CDH18: variants seen among roughly 807,000 people sequenced by gnomAD.
The protein encoded by CDH18 is cadherin 18, also known as cadherin-18.
A neutral mutation model predicts 67.9 loss-of-function variants in CDH18; 31 were observed. The observed-to-expected ratio is 0.46, with a 90% CI of 0.34 to 0.62. CDH18 has a LOEUF of 0.62. Ranked by LOEUF, CDH18 falls within the 20% of genes least tolerant of loss-of-function variation. The pLI, the probability that CDH18 is intolerant of heterozygous loss-of-function variation, is 0.01. For missense variants in CDH18, 890 were observed against 975.5 expected (o/e 0.91, Z 1.17); for synonymous variants, 362 against 347.2 (o/e 1.04, Z -0.48).
Position 19,766,571 on chromosome 5 carries a change from G to A in CDH18, c.229-19335C>T, listed in dbSNP as rs556368833. Among the ~76,000 whole-genome samples, 6 of 152,240 alleles carry A rather than the reference G, an allele frequency of 3.9e-5. No individual in the cohort carries two copies. The South Asian group carries it at 1.0e-3, about 26-fold the overall frequency. On this transcript the variant is annotated intron_variant, in intron 3 of 12. Coordinates refer to ENST00000382275, the MANE Select transcript of CDH18 (RefSeq NM_004934.5). ...TCAATGTGTTATTTCTGAAATTGGA[G>A]TTTGATCCTTTTCTGCATAAAATAT... is the stretch of plus-strand genomic sequence containing the variant.
intron 2 of CDH18, among the ~76,000 whole-genome samples, chr5:20,071,229 G>A (rs928090037): frequency 2.6e-5 from 4 of 151,618 alleles, no homozygotes; most frequent in East Asian, 1.9e-4. Flanking sequence ...TTTTTTTCTC[G>A]GTTGCCACTG....
chr5:20,300,292 T>TTGTGTGTGCGTGTGTGTG (rs1469171406), intron 1 of CDH18, among the ~76,000 whole-genome samples: 5 of 106,640 alleles, frequency 4.7e-5, no homozygotes, highest in African/African-American at 1.5e-4. Flanking sequence ...ATAGATTAAG[T>TTGTGTGTGCGTGTGTGTG]TGTGTGTGTG....
intron 2 of CDH18, among the ~76,000 whole-genome samples, chr5:20,180,674 A>G (rs925996695): frequency 3.3e-5 from 5 of 152,112 alleles, no homozygotes; most frequent in Non-Finnish European, 7.4e-5. Context: ...TGCCCTCACT[A>G]AACTTAATAG....
At chr5:19,907,756 A>G (rs1239161032) in intron 2 of CDH18, among the ~76,000 whole-genome samples, 3 of 152,072 alleles carry the variant, frequency 2.0e-5, no homozygotes, top group African/African-American at 7.2e-5. Flanking sequence ...TAATTTCTAT[A>G]AAATATTATC....
At chr5:19,729,721 T>C (rs543541737) in intron 4 of CDH18, among the ~76,000 whole-genome samples, 1 of 152,318 alleles carries the variant, frequency 6.6e-6, no homozygotes, top group East Asian at 1.9e-4. Flanking sequence ...AGAATGCTCA[T>C]AATTCTCTTC....
chr5:19,544,332 G>GA (rs564142901), intron 8 of CDH18, among the ~76,000 whole-genome samples: 10 of 151,166 alleles, frequency 6.6e-5, no homozygotes, highest in Non-Finnish European at 8.9e-5. Flanking sequence ...TATGTTTAAT[G>GA]AAAAAAAATA....
intron 2 of CDH18, among the ~76,000 whole-genome samples, chr5:19,916,076 C>A (rs74984424): frequency 0.015 from 2,343 of 152,198 alleles, 68 homozygotes; most frequent in African/African-American, 0.053. Context: ...TCTAACTGAC[C>A]TTTCTGCTTT....
At chr5:19,714,347 A>G (rs1226063334) in intron 5 of CDH18, among the ~76,000 whole-genome samples, 1 of 152,112 alleles carries the variant, frequency 6.6e-6, no homozygotes, top group African/African-American at 2.4e-5. Flanking sequence ...CAAAATGAGA[A>G]ATTGATATTA....
intron 1 of CDH18, among the ~76,000 whole-genome samples, chr5:20,287,640 A>G (rs1746783608): frequency 6.6e-6 from 1 of 151,838 alleles, no homozygotes; most frequent in African/African-American, 2.4e-5. Flanking sequence ...AGCAACACAT[A>G]CACACATACA....
intron 2 of CDH18, among the ~76,000 whole-genome samples, chr5:20,129,661 C>T (rs1406924281): frequency 2.6e-5 from 4 of 151,902 alleles, no homozygotes; most frequent in Non-Finnish European, 4.4e-5. Flanking sequence ...ACCAAGTAGG[C>T]GGAGCTCCTT....
intron 1 of CDH18, among the ~76,000 whole-genome samples, chr5:20,312,567 C>T (rs1303771705): frequency 2.6e-5 from 4 of 152,134 alleles, no homozygotes; most frequent in Non-Finnish European, 5.9e-5. Context: ...CCCAAACCTA[C>T]TGTGCCTAAT....
At chr5:19,753,653 A>G (rs895577932) in intron 3 of CDH18, among the ~76,000 whole-genome samples, 2 of 152,124 alleles carry the variant, frequency 1.3e-5, no homozygotes, top group African/African-American at 4.8e-5. Flanking sequence ...ACCTAGACAC[A>G]TTGCTATGTG....
In CDH18 at chr5:20,552,426, G is replaced by C. The variant is rs541934311; in HGVS notation, c.-580+23036C>G. 5.1e-4 allele frequency among the ~76,000 whole-genome samples: 77 copies of C among 152,276 alleles called. 1 individual carries two copies. Among genetic ancestry groups the C allele is most frequent in the African/African-American group, 1.8e-3 (75 of 41,580 alleles). ...CGTGAGGTGGAGTTTGCTGTGAGCA[G>C]AGACCATGCCACTGTACTCCAGTCT... On this transcript the variant is annotated intron_variant, in intron 1 of 14. Transcript: ENST00000507958.
At chr5:20,332,497 T>A (rs1739273654) in intron 1 of CDH18, among the ~76,000 whole-genome samples, 1 of 152,212 alleles carries the variant, frequency 6.6e-6, no homozygotes. Context: ...TTAAGAAAAG[T>A]AAGCCACCAA....
chr5:20,115,624 G>A (rs543856922), intron 2 of CDH18, among the ~76,000 whole-genome samples: 2 of 152,094 alleles, frequency 1.3e-5, no homozygotes, highest in East Asian at 3.9e-4. Context: ...AGGGGTTAGG[G>A]TATCAACATA....
intron 1 of CDH18, among the ~76,000 whole-genome samples, chr5:20,507,218 A>G (rs750943845): frequency 6.6e-6 from 1 of 152,210 alleles, no homozygotes; most frequent in Non-Finnish European, 1.5e-5. Context: ...AACCACAACC[A>G]AATTGCAAAA....
intron 5 of CDH18, among the ~76,000 whole-genome samples, chr5:19,693,000 T>C (rs1419351068): frequency 6.6e-6 from 1 of 152,048 alleles, no homozygotes; most frequent in African/African-American, 2.4e-5. Flanking sequence ...CCTAAGTGGC[T>C]ATCAATCGAT....
rs1335171263 is a variant in CDH18 at position 20,460,664 on chromosome 5, A to G, written c.-580+114798T>C. 3.3e-5 allele frequency among the ~76,000 whole-genome samples: 5 copies of G among 152,244 alleles called. No individual in the cohort carries two copies. In the Middle Eastern group the frequency reaches 0.01, roughly 311 times the overall value. On this transcript the variant is annotated intron_variant, in intron 1 of 14. Transcript: ENST00000507958. The stretch of plus-strand genomic sequence containing the variant: ...TTAGACATCAGTTATTTGAAGTTTC[A>G]TTAAGGAGAGGAAAGAGAGATAGAA...
At chr5:19,866,251 A>G (rs1442550104) in intron 2 of CDH18, among the ~76,000 whole-genome samples, 2 of 152,230 alleles carry the variant, frequency 1.3e-5, no homozygotes, top group Admixed American at 1.3e-4. Context: ...ATTGTGCATG[A>G]AGAACACATA....
Sources: gnomAD v4.1 joint callset for allele counts (sites outside exome capture counted in the v4.1 genomes callset) on GRCh38, gnomAD v4.1.1 for gene constraint, MANE v1.5 for transcripts, NCBI Gene and HGNC (gene_info 2026-07-23, HGNC 2026-07-21) for gene names.